Variants in PKDCC observed in about 807,000 individuals in gnomAD.
The protein encoded by PKDCC is extracellular tyrosine-protein kinase PKDCC.
PKDCC carries 35 observed loss-of-function variants against 44.7 expected under a neutral mutation model. The ratio of observed to expected loss-of-function variants is 0.78; its 90% CI spans 0.60 to 1.04. PKDCC has a LOEUF of 1.04. PKDCC is among the 50% of genes least tolerant of loss of function. The pLI, the probability that PKDCC is intolerant of heterozygous loss-of-function variation, is 0.00. For synonymous variants in PKDCC, 353 were observed against 303.3 expected (o/e 1.16, Z -1.70); for missense variants, 738 against 672.7 (o/e 1.10, Z -1.07).
At chr2:42,050,493 G>C (rs13408784) in intron 1 of PKDCC, among the ~76,000 whole-genome samples, 1 of 151,992 alleles carries the variant, frequency 6.6e-6, no homozygotes. Flanking sequence ...CACTCTTCCC[G>C]CCAGCTCAAA....
rs1436346201 is a variant in PKDCC at position 42,052,342 on chromosome 2, T to G, written c.640-897T>G. Among the ~76,000 whole-genome samples the G allele has an allele frequency of 6.6e-6, 1 of 152,114 alleles. No individual in the cohort carries two copies. The highest frequency in any genetic ancestry group is 1.5e-5 in the Non-Finnish European group (1 of 68,040). ...CCCTCAAGACCCACGCAGAGAAAATTGAAGCTGCCAGAAGGTAGAAATGAT... is the reference window on the plus strand; with the variant it reads ...CCCTCAAGACCCACGCAGAGAAAATGGAAGCTGCCAGAAGGTAGAAATGAT... On this transcript the variant is annotated intron_variant, in intron 1 of 6. Transcript: ENST00000294964. This position sits in a 1 kb window ranked among gnomAD's most constrained non-coding sequence, Gnocchi z 4.3.
chr2:42,057,771 C>T lies in PKDCC; in HGVS notation c.*83C>T. 1 of 1,181,542 alleles carries T rather than the reference C, an allele frequency of 8.5e-7. No individual in the cohort carries two copies. Among genetic ancestry groups the T allele is most frequent in the Non-Finnish European group, 1.2e-6 (1 of 813,116 alleles). 73.2% of individuals were successfully genotyped at this position (1,181,542 alleles called of 1,614,324 possible). A position where few individuals can be genotyped will look rare whatever the true frequency, so the allele number is the denominator to read the frequency against. ...GAGGGAGTGACTTGCACTGGCAGCA[C>T]TGCATGTCACCTGGGAACCCCTGCA... On this transcript the variant is annotated 3_prime_UTR_variant, in exon 7 of 7. Transcript: ENST00000294964.
chr2:42,048,907 G>T lies in PKDCC; in HGVS notation c.639+69G>T. The T allele has an allele frequency of 7.3e-7, 1 of 1,371,736 alleles. No homozygotes were observed. Among genetic ancestry groups the T allele is most frequent in the Middle Eastern group, 2.7e-4 (1 of 3,638 alleles). 85.0% of individuals were successfully genotyped at this position (1,371,736 alleles called of 1,614,324 possible). Reference sequence around the variant, plus strand: ...GCCCAAGACCTTGTCAACCTGGCTGGAAGAGAACCCCTTGATCTGGAGTGC... The same window carrying T: ...GCCCAAGACCTTGTCAACCTGGCTGTAAGAGAACCCCTTGATCTGGAGTGC... On this transcript the variant is annotated intron_variant, in intron 1 of 6. Transcript: ENST00000294964. The surrounding 1 kb of genome is among the most constrained non-coding windows in gnomAD (Gnocchi z 6.2).
rs1284236892 is a variant in PKDCC, at chr2:42,050,074, T to C, written c.639+1236T>C. Reference sequence around the variant, plus strand: ...AGGAGAGACTGGCCCAAAAGTTGTTTATACTCCTGTTGGCTCCCAGTCTCC... The same window carrying C: ...AGGAGAGACTGGCCCAAAAGTTGTTCATACTCCTGTTGGCTCCCAGTCTCC... On this transcript the variant is annotated intron_variant, in intron 1 of 6. Coordinates refer to ENST00000294964, the MANE Select transcript of PKDCC (RefSeq NM_138370.3). Among the ~76,000 whole-genome samples the C allele has an allele frequency of 4.6e-5, 7 of 152,308 alleles. No individual in the cohort carries two copies. The South Asian group carries it at 1.2e-3, about 27-fold the overall frequency.
At position 42,057,358 on chromosome 2, in the gene PKDCC, C is replaced by T. The variant is rs763585890; in HGVS notation, c.1360C>T (p.Arg454Trp). 6.2e-6 allele frequency: 10 copies of T among 1,614,046 alleles called. No individual in the cohort carries two copies. Among genetic ancestry groups the T allele is most frequent in the Admixed American group, 5.0e-5 (3 of 60,014 alleles). ...VDVCESHAQC[R>W]AFVVTNQTTW... ...TGTCTGTGAGAGCCATGCCCAGTGT[C>T]GGGCCTTTGTGGTCACCAACCAGAC... The change falls in exon 6 of 7, where the codon CGG becomes TGG. Residue 454 changes from arginine (R) to tryptophan (W), a missense_variant. Arg to Trp is a moderately radical substitution (Grantham distance 101, BLOSUM62 -3). Transcript: ENST00000294964.
At chr2:42,057,502 G>A (rs1378212841) in intron 6 of PKDCC, 101 bp from the exon 7 acceptor site, 1 of 1,555,506 alleles carries the variant, frequency 6.4e-7, no homozygotes, top group Non-Finnish European at 8.8e-7. Context: ...GGTGATGAGA[G>A]AGAGGTATAC....
rs540044470 is a variant in PKDCC at position 42,057,350 on chromosome 2, C to T, written c.1352C>T (p.Ala451Val). 6.2e-7 allele frequency: 1 copy of T among 1,614,216 alleles called. No homozygotes were observed. The highest frequency in any genetic ancestry group is 1.1e-5 in the South Asian group (1 of 91,090). The change falls in exon 6 of 7, where the codon GCC becomes GTC. Residue 451 changes from alanine to valine, a missense_variant. Physicochemically the swap from Ala to Val is moderately conservative, Grantham distance 64. Coordinates refer to ENST00000294964, the MANE Select transcript of PKDCC (RefSeq NM_138370.3). ...AEAVDVCESH[A>V]QCRAFVVTNQ... ...GCTGTGGATGTCTGTGAGAGCCATG[C>T]CCAGTGTCGGGCCTTTGTGGTCACC...
Position 42,057,853 on chromosome 2 carries a change from C to CAAATGTTA in PKDCC, c.*172_*179dup. On this transcript the variant is annotated 3_prime_UTR_variant, in exon 7 of 7. Transcript: ENST00000294964. ...GACCAGGACAAACGTGCAATAATGCCAAATGTTAAAATGTGAGTTTACCAG... is the reference window on the plus strand; with the variant it reads ...GACCAGGACAAACGTGCAATAATGCCAAATGTTAAAATGTTAAAATGTGAGTTTACCAG... 1.6e-6 allele frequency: 1 copy of CAAATGTTA among 619,402 alleles called. No individual in the cohort carries two copies. The highest frequency in any genetic ancestry group is 2.8e-5 in the East Asian group (1 of 35,948). 38.4% of individuals were successfully genotyped at this position (619,402 alleles called of 1,614,324 possible).
At chr2:42,053,586 G>A (rs868610277) in intron 2 of PKDCC, 16 of 602,150 alleles carry the variant, frequency 2.7e-5, no homozygotes, top group Middle Eastern at 4.5e-4. Context: ...CCTTGTGCGC[G>A]TGTACACACC....
At position 42,051,656 on chromosome 2, in the gene PKDCC, T is replaced by TC. The variant is rs1292593369; in HGVS notation, c.640-1577dup. ...GGCCCCAGGGCTGTTCCCCTTACCT[T>TC]CCCCCCACCCCACCAGGGTCTGGGG... On this transcript the variant is annotated intron_variant, in intron 1 of 6. Transcript: ENST00000294964. The surrounding 1 kb of genome is among the most constrained non-coding windows in gnomAD (Gnocchi z 4.2). Among the ~76,000 whole-genome samples, 1 of 151,656 alleles carries TC rather than the reference T, an allele frequency of 6.6e-6. No individual in the cohort carries two copies. The highest frequency in any genetic ancestry group is 1.5e-5 in the Non-Finnish European group (1 of 67,896).
rs1667988200 is a variant in PKDCC at position 42,052,648 on chromosome 2, C to A, written c.640-591C>A. Among the ~76,000 whole-genome samples the A allele has an allele frequency of 6.6e-6, 1 of 151,706 alleles. No individual in the cohort carries two copies. Among genetic ancestry groups the A allele is most frequent in the Non-Finnish European group, 1.5e-5 (1 of 67,976 alleles). ...CCTGTAATCCCAGCTACTCGGGAGG[C>A]TGAGGCAGGAGAATCGCCCGCACCC... On this transcript the variant is annotated intron_variant, in intron 1 of 6. Transcript: ENST00000294964. The surrounding 1 kb of genome is among the most constrained non-coding windows in gnomAD (Gnocchi z 4.3).
Position 42,054,098 on chromosome 2 carries a change from T to A in PKDCC, c.825T>A (p.Thr275=). 1.2e-6 allele frequency: 2 copies of A among 1,612,896 alleles called. No individual in the cohort carries two copies. Among genetic ancestry groups the A allele is most frequent in the Non-Finnish European group, 1.7e-6 (2 of 1,179,866 alleles). ...CCCACTCCCCACTGGGCTCCGTCAC[T>A]CTGCTGGACTTCCGCCCTCGGCAGT... is the stretch of plus-strand genomic sequence containing the variant. ...HLAHSPLGSV[T]LLDFRPRQFV... The change falls in exon 3 of 7, where the codon ACT becomes ACA. Residue 275 remains threonine (T), a synonymous_variant. Transcript: ENST00000294964. The surrounding 1 kb of genome is among the most constrained non-coding windows in gnomAD (Gnocchi z 6.1).
rs935351868 is a variant in PKDCC, at chr2:42,055,504, A to G, written c.1222+111A>G. 2.3e-6 allele frequency: 2 copies of G among 877,734 alleles called. No individual in the cohort carries two copies. The highest frequency in any genetic ancestry group is 2.3e-5 in the Admixed American group (1 of 44,066). 54.4% of individuals were successfully genotyped at this position (877,734 alleles called of 1,614,324 possible). On this transcript the variant is annotated intron_variant, in intron 5 of 6. Coordinates refer to ENST00000294964, the MANE Select transcript of PKDCC (RefSeq NM_138370.3). This position sits in a 1 kb window ranked among gnomAD's most constrained non-coding sequence, Gnocchi z 4.5. ...CCTTTCTCTGGGGACCCTTGTCTCC[A>G]AAGGCCACTGTAGGGGCTCACATAG... is the stretch of plus-strand genomic sequence containing the variant.
rs762191629 is a variant in PKDCC at position 42,055,396 on chromosome 2, G to A, written c.1222+3G>A. ...CTCCACGGCAAGCAGCAGTACCGGT[G>A]AGTGGCCCCAAGCTGATCCACAGGG... On this transcript the variant is annotated splice_donor_region_variant and intron_variant, in intron 5 of 6. Coordinates refer to ENST00000294964, the MANE Select transcript of PKDCC (RefSeq NM_138370.3). This position sits in a 1 kb window ranked among gnomAD's most constrained non-coding sequence, Gnocchi z 4.5. The A allele has an allele frequency of 1.2e-6, 2 of 1,612,542 alleles. No individual in the cohort carries two copies. Among genetic ancestry groups the A allele is most frequent in the Non-Finnish European group, 1.7e-6 (2 of 1,179,548 alleles).
At position 42,048,251 on chromosome 2, in the gene PKDCC, C is replaced by T. The variant is rs1343949238; in HGVS notation, c.52C>T (p.Leu18=). The change falls in exon 1 of 7, where the codon CTG becomes TTG. Residue 18 remains leucine, a synonymous_variant. Coordinates refer to ENST00000294964, the MANE Select transcript of PKDCC (RefSeq NM_138370.3). This position sits in a 1 kb window ranked among gnomAD's most constrained non-coding sequence, Gnocchi z 6.2. ...CGCGGGTTTCTGCGCCTCCTTCCTG[C>T]TGGGCTCCGTCCTCAACGTGCTCTT... ...VAAGFCASFL[L]GSVLNVLFAP... 1 of 1,279,778 alleles carries T rather than the reference C, an allele frequency of 7.8e-7. No individual in the cohort carries two copies. The highest frequency in any genetic ancestry group is 3.1e-5 in the Admixed American group (1 of 32,418). 79.3% of individuals were successfully genotyped at this position (1,279,778 alleles called of 1,614,324 possible).
rs1185732802 is a variant in PKDCC, at chr2:42,048,468, T to C, written c.269T>C (p.Leu90Pro). ...CCGGAGCGGCGGCGCCTGATGGACC[T>C]GGCTCCGGGCGGGCCCGGCCTGCCG... ...GRPERRRLMD[L>P]APGGPGLPRP... Residue 90 changes from leucine (L) to proline (P), a missense_variant, in exon 1 of 7, where the codon CTG (leucine) becomes CCG (proline). Transcript: ENST00000294964. This position sits in a 1 kb window ranked among gnomAD's most constrained non-coding sequence, Gnocchi z 6.2. The C allele has an allele frequency of 5.7e-6, 6 of 1,056,538 alleles. No individual in the cohort carries two copies. The highest frequency in any genetic ancestry group is 6.8e-6 in the Non-Finnish European group (6 of 878,240). The allele number at this position is 1,056,538 out of a possible 1,614,324, so 65.4% of individuals were successfully genotyped here.
rs377211356 is a variant in PKDCC at position 42,054,228 on chromosome 2, A to G, written c.955A>G (p.Arg319Gly). 5.0e-6 allele frequency: 8 copies of G among 1,604,286 alleles called. No individual in the cohort carries two copies. The highest frequency in any genetic ancestry group is 4.5e-5 in the South Asian group (4 of 89,592). Residue 319 changes from arginine to glycine, a missense_variant, in exon 3 of 7, where the codon AGG becomes GGG. Arg to Gly is a moderately radical substitution (Grantham distance 125). Coordinates refer to ENST00000294964, the MANE Select transcript of PKDCC (RefSeq NM_138370.3). The surrounding 1 kb of genome is among the most constrained non-coding windows in gnomAD (Gnocchi z 6.1). ...STDCILEFPA[R>G]NFTLPCSAQG... ...CGACTGCATACTCGAGTTTCCGGCC[A>G]GGAACTTCACCCTGCCCTGCTCAGC...
At position 42,052,188 on chromosome 2, in the gene PKDCC, A is replaced by G. The variant is rs753050100; in HGVS notation, c.640-1051A>G. On this transcript the variant is annotated intron_variant, in intron 1 of 6. Coordinates refer to ENST00000294964, the MANE Select transcript of PKDCC (RefSeq NM_138370.3). The surrounding 1 kb of genome is among the most constrained non-coding windows in gnomAD (Gnocchi z 4.3). ...ACCCCAAAAGAACTGATCTTCCAGG[A>G]GGAATCATCACTCACTACCACCCCC... Among the ~76,000 whole-genome samples, 3 of 152,122 alleles carry G rather than the reference A, an allele frequency of 2.0e-5. No individual in the cohort carries two copies. Among genetic ancestry groups the G allele is most frequent in the Non-Finnish European group, 4.4e-5 (3 of 68,016 alleles).
chr2:42,056,327 C>T (rs1668056941), intron 5 of PKDCC, among the ~76,000 whole-genome samples: 2 of 152,172 alleles, frequency 1.3e-5, no homozygotes, highest in African/African-American at 4.8e-5. Context: ...GTTTTCAGAG[C>T]TTCTGAGGCT....
Sources: gnomAD v4.1 joint callset for allele counts (sites outside exome capture counted in the v4.1 genomes callset) on GRCh38, gnomAD v4.1.1 for gene constraint, Gnocchi (gnomAD v3.1) non-coding constraint, MANE v1.5 for transcripts, NCBI Gene and HGNC (gene_info 2026-07-23, HGNC 2026-07-21) for gene names.